Variants in ARFGEF1 observed in about 807,000 individuals in gnomAD.
ARFGEF1 encodes brefeldin A-inhibited guanine nucleotide-exchange protein 1.
A neutral mutation model predicts 231.0 loss-of-function variants in ARFGEF1; 42 were observed. The observed-to-expected ratio is 0.18, with a 90% CI of 0.14 to 0.24. ARFGEF1 has a LOEUF of 0.24. ARFGEF1 is among the 10% of genes least tolerant of loss of function. The pLI, the probability that ARFGEF1 is intolerant of heterozygous loss-of-function variation, is 1.00. For synonymous variants in ARFGEF1, 710 were observed against 732.3 expected (o/e 0.97, Z 0.49); for missense variants, 1,345 against 2,192.0 (o/e 0.61, Z 7.72).
intron 10 of ARFGEF1, among the ~76,000 whole-genome samples, chr8:67,268,512 A>G (rs2128894769): frequency 6.6e-6 from 1 of 152,318 alleles, no homozygotes; most frequent in East Asian, 1.9e-4. Flanking sequence ...AAGATTGCTC[A>G]TGGTTTCAAA....
At chr8:67,293,893 A>G (rs987535034) in intron 5 of ARFGEF1, among the ~76,000 whole-genome samples, 2 of 152,170 alleles carry the variant, frequency 1.3e-5, no homozygotes, top group Non-Finnish European at 2.9e-5. Flanking sequence ...CCTTTTGTAC[A>G]GCTCTGACTC....
At chr8:67,301,680 C>A (rs1017926882) in intron 2 of ARFGEF1, among the ~76,000 whole-genome samples, 1 of 152,150 alleles carries the variant, frequency 6.6e-6, no homozygotes, top group Non-Finnish European at 1.5e-5. Flanking sequence ...TGTCACTTAA[C>A]AAATTTGGTA....
In ARFGEF1 at chr8:67,244,275, A is replaced by C. The variant is rs1365720949; in HGVS notation, c.2851-3985T>G. ...AAAAAAAAAAAAAAAAAAACATTCGACTACTGAGTCTCTCGTCTCTCTCTC... is the reference window on the plus strand; with the variant it reads ...AAAAAAAAAAAAAAAAAAACATTCGCCTACTGAGTCTCTCGTCTCTCTCTC... On this transcript the variant is annotated intron_variant, in intron 19 of 38. Coordinates refer to ENST00000262215, the MANE Select transcript of ARFGEF1 (RefSeq NM_006421.5). 3.6e-4 allele frequency among the ~76,000 whole-genome samples: 4 copies of C among 11,068 alleles called. 2 individuals carry two copies. Among genetic ancestry groups the C allele is most frequent in the Non-Finnish European group, 5.8e-4 (4 of 6,874 alleles). The allele number at this position is 11,068 out of a possible 152,430, so 7.3% of individuals were successfully genotyped here.
chr8:67,311,013 G>A (rs760801734), intron 1 of ARFGEF1, among the ~76,000 whole-genome samples: 16 of 138,488 alleles, frequency 1.2e-4, no homozygotes, highest in South Asian at 4.8e-4. Context: ...CCGGCCAGCC[G>A]CCCCGTCTGG....
Position 67,266,249 on chromosome 8 carries a change from GA to G in ARFGEF1, c.1922-43del, listed in dbSNP as rs771982270. The G allele has an allele frequency of 4.4e-3, 6,001 of 1,371,750 alleles. 8 individuals carry two copies. The highest frequency in any genetic ancestry group is 5.2e-3 in the Non-Finnish European group (5,251 of 1,017,558). 85.0% of individuals were successfully genotyped at this position (1,371,750 alleles called of 1,614,324 possible). A position where few individuals can be genotyped will look rare whatever the true frequency, so the allele number is the denominator to read the frequency against. Reference sequence around the variant, plus strand: ...TGATAGAGTACATTATTCTATCAAAGAAAAAAAAAAGTGTAAGGGCAAACAA... The same window carrying G: ...TGATAGAGTACATTATTCTATCAAAGAAAAAAAAAGTGTAAGGGCAAACAA... On this transcript the variant is annotated intron_variant, in intron 13 of 38. Transcript: ENST00000262215.
chr8:67,191,305 T>C (rs1010966868), intron 5 of ARFGEF1, among the ~76,000 whole-genome samples: 2 of 152,228 alleles, frequency 1.3e-5, no homozygotes, highest in African/African-American at 4.8e-5. Flanking sequence ...AAACTCTGTG[T>C]GTGTTTCCTT....
chr8:67,259,060 A>G (rs1840558736), intron 15 of ARFGEF1, among the ~76,000 whole-genome samples: 1 of 152,220 alleles, frequency 6.6e-6, no homozygotes, highest in Non-Finnish European at 1.5e-5. Flanking sequence ...TTAGGAAATA[A>G]CTACAAGAAA....
At position 67,229,922 on chromosome 8, in the gene ARFGEF1, C is replaced by T. The variant is rs79772933; in HGVS notation, c.3381-1658G>A. Reference sequence around the variant, plus strand: ...AGAAAGAACAAAAGCAGAGATAGAACCACAGGGAAGGGAAGCAATAGATTC... The same window carrying T: ...AGAAAGAACAAAAGCAGAGATAGAATCACAGGGAAGGGAAGCAATAGATTC... On this transcript the variant is annotated intron_variant, in intron 23 of 38. Transcript: ENST00000262215. Among the ~76,000 whole-genome samples, 230 of 152,064 alleles carry T rather than the reference C, an allele frequency of 1.5e-3. 4 individuals carry two copies. The highest frequency in any genetic ancestry group is 0.014 in the East Asian group (74 of 5,182).
chr8:67,247,874 A>T (rs1840154780), intron 19 of ARFGEF1, among the ~76,000 whole-genome samples: 1 of 150,586 alleles, frequency 6.6e-6, no homozygotes, highest in Non-Finnish European at 1.5e-5. Flanking sequence ...AGGATACAAA[A>T]ATCAACATAC....
At chr8:67,326,876 C>T (rs1807857318) in intron 1 of ARFGEF1, among the ~76,000 whole-genome samples, 1 of 152,142 alleles carries the variant, frequency 6.6e-6, no homozygotes, top group Non-Finnish European at 1.5e-5. Flanking sequence ...TAGTCAAAAT[C>T]CTATGTCAGG....
chr8:67,235,165 C>T (rs1839686134), intron 22 of ARFGEF1, among the ~76,000 whole-genome samples: 1 of 148,860 alleles, frequency 6.7e-6, no homozygotes. Flanking sequence ...AATTTAAAAT[C>T]ATTAATAATA....
At chr8:67,318,140 T>G (rs1403698488) in intron 1 of ARFGEF1, among the ~76,000 whole-genome samples, 1 of 147,396 alleles carries the variant, frequency 6.8e-6, no homozygotes, top group Non-Finnish European at 1.5e-5. Flanking sequence ...GGGAGGCTGA[T>G]GCAGGAGAAT....
At chr8:67,314,056 G>A (rs943144974) in intron 1 of ARFGEF1, among the ~76,000 whole-genome samples, 1 of 152,100 alleles carries the variant, frequency 6.6e-6, no homozygotes, top group Non-Finnish European at 1.5e-5. Flanking sequence ...GGGAAAGCCA[G>A]CAGTCACAGG....
intron 10 of ARFGEF1, among the ~76,000 whole-genome samples, chr8:67,270,241 T>A (rs1223848191): frequency 1.3e-5 from 2 of 152,150 alleles, no homozygotes; most frequent in Admixed American, 1.3e-4. Flanking sequence ...ACATCATACA[T>A]CATATAGGCA....
chr8:67,328,820 C>T (rs891022152), intron 1 of ARFGEF1, among the ~76,000 whole-genome samples: 2 of 152,064 alleles, frequency 1.3e-5, no homozygotes, highest in South Asian at 4.1e-4. Flanking sequence ...TAAATCAATG[C>T]TGACAGAGAT....
At chr8:67,200,563 C>G (rs979679372) in intron 37 of ARFGEF1, 50 bp from the exon 38 acceptor site, 1 of 1,117,244 alleles carries the variant, frequency 9.0e-7, no homozygotes, top group Non-Finnish European at 1.3e-6. Flanking sequence ...CTACTGGTCC[C>G]CATATTCACC....
At chr8:67,233,116 G>C (rs1045041702) in intron 22 of ARFGEF1, among the ~76,000 whole-genome samples, 171 bp from the exon 23 acceptor site, 1 of 151,966 alleles carries the variant, frequency 6.6e-6, no homozygotes, top group Non-Finnish European at 1.5e-5. Context: ...ATGTGCAAAT[G>C]AACTTTACTA....
At chr8:67,343,088 A>AAC in intron 1 of ARFGEF1, 76 bp downstream of exon 1, 1 of 399,152 alleles carries the variant, frequency 2.5e-6, no homozygotes, top group Admixed American at 3.2e-5. Flanking sequence ...GCCCCGGGCG[A>AAC]CCCCACCCCC....
chr8:67,285,237 G>A (rs1026039413), intron 7 of ARFGEF1, among the ~76,000 whole-genome samples: 11 of 152,002 alleles, frequency 7.2e-5, no homozygotes, highest in Non-Finnish European at 1.3e-4. Flanking sequence ...CCATTGAGTG[G>A]GCCAGGTGTG....
Sources: gnomAD v4.1 joint callset for allele counts (sites outside exome capture counted in the v4.1 genomes callset) on GRCh38, gnomAD v4.1.1 for gene constraint, MANE v1.5 for transcripts, NCBI Gene and HGNC (gene_info 2026-07-23, HGNC 2026-07-21) for gene names.